Variants in ATP6AP1 observed in about 807,000 individuals in gnomAD.
The protein encoded by ATP6AP1 is ATPase H+ transporting accessory protein 1.
A neutral mutation model predicts 32.0 loss-of-function variants in ATP6AP1; 1 was observed. The ratio of observed to expected loss-of-function variants is 0.03; its 90% CI spans 0.01 to 0.15. The LOEUF is 0.15. ATP6AP1 is among the 10% of genes least tolerant of loss of function. The probability of loss-of-function intolerance (pLI) is 1.00; values close to 1 mark genes in which losing one functional copy is unlikely to be tolerated. For synonymous variants in ATP6AP1, 187 were observed against 174.9 expected, an observed-to-expected ratio of 1.07 and a Z score of -0.55; for missense variants, 297 against 398.8, an observed-to-expected ratio of 0.74 and a Z score of 2.17.
At position 154,435,425 on chromosome X, in the gene ATP6AP1, A is replaced by T; in HGVS notation, c.1123A>T (p.Ser375Cys). Residue 375 changes from serine (S) to cysteine (C), a missense_variant, in exon 9 of 10, where the codon AGC (serine) becomes TGC (cysteine). By Grantham distance (112) the Ser-to-Cys change is moderately radical. This residue lies in a region of ATP6AP1 where 155 missense variants were observed against 253.8 expected (regional missense o/e 0.61). Transcript: ENST00000369762. ...CTACTCCTTCCACTGCGAGTATGTC[A>T]GCAGCCTGAGCAAGAAGGGTAGTCT... ...SIYSFHCEYV[S>C]SLSKKGSLLV... The T allele has an allele frequency of 8.2e-7, 1 of 1,212,167 alleles. No individual in the cohort carries two copies.
At chrX:154,429,016 C>A in intron 1 of ATP6AP1, 32 bp from the exon 2 acceptor site, 1 of 1,204,466 alleles carries the variant, frequency 8.3e-7, no homozygotes, top group Non-Finnish European at 1.1e-6. Flanking sequence ...CATGCGCCCC[C>A]GTCTGACAGC....
intron 3 of ATP6AP1, 138 bp from the exon 4 acceptor site, chrX:154,432,128 G>A (rs1359073975): frequency 2.2e-5 from 15 of 690,001 alleles, no homozygotes; most frequent in South Asian, 1.7e-4. Context: ...AATGTCAGGG[G>A]CTGGGGTGTG....
intron 7 of ATP6AP1, among the ~76,000 whole-genome samples, 167 bp downstream of exon 7, chrX:154,434,613 T>TG (rs1224351080): frequency 9.0e-6 from 1 of 111,450 alleles, no homozygotes; most frequent in Non-Finnish European, 1.9e-5. Flanking sequence ...TGTCATGGCA[T>TG]GGGGTGCTGT....
chrX:154,434,353 C>A lies in ATP6AP1; in HGVS notation c.830C>A (p.Ala277Glu), dbSNP rs868950779. ...TTCTGGGCCCAAAACTTCTCTGTGG[C>A]GTACAAGGACCAGTGGGAGGACCTG... ...ILFWAQNFSV[A>E]YKDQWEDLTP... Residue 277 changes from alanine to glutamate, a missense_variant, in exon 7 of 10, where the codon GCG becomes GAG. By Grantham distance (107) the Ala-to-Glu change is moderately radical (BLOSUM62 -1). Around this residue, in one of 2 missense-constraint regions of ATP6AP1, gnomAD observed 155 missense variants for 253.8 expected, o/e 0.61. Coordinates refer to ENST00000369762, the MANE Select transcript of ATP6AP1 (RefSeq NM_001183.6). 8.3e-6 allele frequency: 10 copies of A among 1,211,916 alleles called. No homozygotes were observed. The highest frequency in any genetic ancestry group is 1.1e-5 in the Non-Finnish European group (10 of 895,470).
rs981804783 is a variant in ATP6AP1, at chrX:154,432,831, G to A, written c.558-100G>A. 14 of 986,541 alleles carry A rather than the reference G, an allele frequency of 1.4e-5. No individual in the cohort carries two copies. The African/African-American group carries it at 1.5e-4, about 11-fold the overall frequency. 81.3% of individuals were successfully genotyped at this position (986,541 alleles called of 1,213,427 possible). ...AGGTAAGAGTGTGCAGGCTTGGTGCGTGGGGCTAGTGGGGAGGAGAAGCTG... is the reference window on the plus strand; with the variant it reads ...AGGTAAGAGTGTGCAGGCTTGGTGCATGGGGCTAGTGGGGAGGAGAAGCTG... On this transcript the variant is annotated intron_variant, in intron 4 of 9. Coordinates refer to ENST00000369762, the MANE Select transcript of ATP6AP1 (RefSeq NM_001183.6).
chrX:154,431,699 C>A, intron 2 of ATP6AP1, 131 bp from the exon 3 acceptor site: 1 of 585,865 alleles, frequency 1.7e-6, no homozygotes, highest in Non-Finnish European at 2.9e-6. Context: ...CAGTTGTGCT[C>A]CACCATACTG....
In ATP6AP1 at chrX:154,429,040, C is replaced by T. The variant is rs371803542; in HGVS notation, c.162-8C>T. The T allele has an allele frequency of 8.3e-7, 1 of 1,209,402 alleles. No individual in the cohort carries two copies. Among genetic ancestry groups the T allele is most frequent in the African/African-American group, 1.7e-5 (1 of 57,299 alleles). ...CCGTCTGACAGCACCTCTTCTGTGC[C>T]CTGCCAGGGACTTGTGGGCTCCTGC... On this transcript the variant is annotated splice_polypyrimidine_tract_variant and splice_region_variant and intron_variant, in intron 1 of 9. Coordinates refer to ENST00000369762, the MANE Select transcript of ATP6AP1 (RefSeq NM_001183.6).
rs1603384549 is a variant in ATP6AP1 at position 154,435,443 on chromosome X, G to A, written c.1141G>A (p.Gly381Ser). 1 of 1,210,852 alleles carries A rather than the reference G, an allele frequency of 8.3e-7. No individual in the cohort carries two copies. The highest frequency in any genetic ancestry group is 1.1e-6 in the Non-Finnish European group (1 of 895,412). ...GTATGTCAGCAGCCTGAGCAAGAAG[G>A]GTAGTCTCCTCGTGGCCCGCACGCA... is the stretch of plus-strand genomic sequence containing the variant. ...CEYVSSLSKK[G>S]SLLVARTQPS... The change falls in exon 9 of 10, where the codon GGT becomes AGT. Residue 381 changes from glycine to serine, a missense_variant. By Grantham distance (56) the Gly-to-Ser change is moderately conservative. Coordinates refer to ENST00000369762, the MANE Select transcript of ATP6AP1 (RefSeq NM_001183.6).
Position 154,433,668 on chromosome X carries a change from A to C in ATP6AP1, c.632A>C (p.Lys211Thr). The C allele has an allele frequency of 1.7e-6, 2 of 1,212,100 alleles. No homozygotes were observed. Among genetic ancestry groups the C allele is most frequent in the Non-Finnish European group, 2.2e-6 (2 of 895,534 alleles). ...ATCGGGCAGGTCCTGAGCACACTCA[A>C]GTCCGAAGATGTCCCATACACAGCG... ...EVIGQVLSTL[K>T]SEDVPYTAAL... Residue 211 changes from lysine (K) to threonine (T), a missense_variant, in exon 6 of 10, where the codon AAG becomes ACG. By Grantham distance (78) the Lys-to-Thr change is moderately conservative (BLOSUM62 -1). Transcript: ENST00000369762.
In ATP6AP1 at chrX:154,432,935, G is replaced by A. The variant is rs1557197077; in HGVS notation, c.562G>A (p.Gly188Ser). The change falls in exon 5 of 10, where the codon GGT becomes AGT. Residue 188 changes from glycine to serine, a missense_variant. Coordinates refer to ENST00000369762, the MANE Select transcript of ATP6AP1 (RefSeq NM_001183.6). ...CGCTCTGTTTGTCTTCCATAGCTCT[G>A]GTCTGATGGCACCCAGGGAAGTCCT... is the stretch of plus-strand genomic sequence containing the variant. Reference protein sequence around the residue: ...LIRLPYTASSGLMAPREVLTG... With the variant: ...LIRLPYTASSSLMAPREVLTG... 5 of 1,211,777 alleles carry A rather than the reference G, an allele frequency of 4.1e-6. No individual in the cohort carries two copies. In the East Asian group the frequency reaches 1.2e-4, roughly 29 times the overall value.
At position 154,429,212 on chromosome X, in the gene ATP6AP1, G is replaced by A. The variant is rs781996401; in HGVS notation, c.288+38G>A. The A allele has an allele frequency of 2.5e-6, 3 of 1,202,537 alleles. No individual in the cohort carries two copies. In the African/African-American group the frequency reaches 5.2e-5, roughly 21 times the overall value. On this transcript the variant is annotated intron_variant, in intron 2 of 9. Transcript: ENST00000369762. The stretch of plus-strand genomic sequence containing the variant: ...CAGCCCACTCTCCCCCGGTCATCGG[G>A]AGGCAGCCAGGCCCCCTCCCCCCAT...
Position 154,435,097 on chromosome X carries a change from C to T in ATP6AP1, c.924-42C>T, listed in dbSNP as rs782344183. On this transcript the variant is annotated intron_variant, in intron 7 of 9. Transcript: ENST00000369762. ...TTGTTCCTCTAAGATGCCAAAGGCC[C>T]TCCCAGAGCCTCACAGTGCGCCTCT... 1,140 of 1,188,916 alleles carry T rather than the reference C, an allele frequency of 9.6e-4. 10 individuals carry two copies. The South Asian group carries it at 0.018, about 19-fold the overall frequency.
Position 154,433,656 on chromosome X carries a change from T to A in ATP6AP1, c.620T>A (p.Leu207Gln), listed in dbSNP as rs782728896. 8.2e-7 allele frequency: 1 copy of A among 1,212,217 alleles called. No homozygotes were observed. Among genetic ancestry groups the A allele is most frequent in the Non-Finnish European group, 1.1e-6 (1 of 895,530 alleles). ...TCAGATGAGGTCATCGGGCAGGTCC[T>A]GAGCACACTCAAGTCCGAAGATGTC... ...TGNDEVIGQV[L>Q]STLKSEDVPY... is the part of the protein sequence containing the mutation. Residue 207 changes from leucine to glutamine, a missense_variant, in exon 6 of 10, where the codon CTG becomes CAG. Physicochemically the swap from Leu to Gln is moderately radical, Grantham distance 113. Coordinates refer to ENST00000369762, the MANE Select transcript of ATP6AP1 (RefSeq NM_001183.6).
Position 154,435,919 on chromosome X carries a change from G to C in ATP6AP1, c.*28G>C, listed in dbSNP as rs1476657787. On this transcript the variant is annotated 3_prime_UTR_variant, in exon 10 of 10. Transcript: ENST00000369762. ...CTGTGCCAGTGGGGGGGTTGAGGGT[G>C]GGACGGTGTCCGTGTTGTTGCTTTC... The C allele has an allele frequency of 8.5e-7, 1 of 1,177,856 alleles. No individual in the cohort carries two copies. Among genetic ancestry groups the C allele is most frequent in the South Asian group, 1.8e-5 (1 of 56,047 alleles).
In ATP6AP1 at chrX:154,432,274, G is replaced by C; in HGVS notation, c.372G>C (p.Leu124=). The change falls in exon 4 of 10, where the codon CTG becomes CTC. Residue 124 remains leucine (L), a synonymous_variant. Transcript: ENST00000369762. ...CTCTCCCCTGTCCCCAGAATGCCCT[G>C]GACCTGGCCCCCTCCTCACTGGTGC... ...DSAFSNLENA[L]DLAPSSLVLP... 1 of 1,204,082 alleles carries C rather than the reference G, an allele frequency of 8.3e-7. No homozygotes were observed.
intron 5 of ATP6AP1, among the ~76,000 whole-genome samples, chrX:154,433,172 C>G (rs2068702902): frequency 8.9e-6 from 1 of 111,871 alleles, no homozygotes; most frequent in African/African-American, 3.2e-5. Flanking sequence ...CCAGCCAGAC[C>G]CCACTTGGCA....
chrX:154,434,743 C>G lies in ATP6AP1; in HGVS notation c.923+297C>G, dbSNP rs781915032. Among the ~76,000 whole-genome samples the G allele has an allele frequency of 8.9e-5, 10 of 112,110 alleles. No homozygotes were observed. The South Asian group carries it at 3.7e-3, about 41-fold the overall frequency. On this transcript the variant is annotated intron_variant, in intron 7 of 9. Coordinates refer to ENST00000369762, the MANE Select transcript of ATP6AP1 (RefSeq NM_001183.6). ...GTCACCTCCCCCTTGAGCAAAACCTCTGGGACTTTGTGTGGGCAAATACCA... is the reference window on the plus strand; with the variant it reads ...GTCACCTCCCCCTTGAGCAAAACCTGTGGGACTTTGTGTGGGCAAATACCA...
chrX:154,434,172 G>A, intron 6 of ATP6AP1, 36 bp from the exon 7 acceptor site: 2 of 1,183,356 alleles, frequency 1.7e-6, no homozygotes, highest in Non-Finnish European at 2.3e-6. Flanking sequence ...ACTCTCCCAG[G>A]GCTGCTGAAA....
chrX:154,428,869 T>G lies in ATP6AP1; in HGVS notation c.161+16T>G. 1 of 1,083,170 alleles carries G rather than the reference T, an allele frequency of 9.2e-7. No homozygotes were observed. Among genetic ancestry groups the G allele is most frequent in the Non-Finnish European group, 1.2e-6 (1 of 841,817 alleles). The allele number at this position is 1,083,170 out of a possible 1,213,427, so 89.3% of individuals were successfully genotyped here. Reference sequence around the variant, plus strand: ...CGAGTGACCGGTGAGCGGGCCGGGGTGGGATGCGCTGTGGCGGCTGAGGCG... The same window carrying G: ...CGAGTGACCGGTGAGCGGGCCGGGGGGGGATGCGCTGTGGCGGCTGAGGCG... On this transcript the variant is annotated intron_variant, in intron 1 of 9. Transcript: ENST00000369762.
Sources: allele counts gnomAD v4.1 joint callset (sites outside exome capture counted in the v4.1 genomes callset), GRCh38; gene constraint gnomAD v4.1.1; regional missense constraint gnomAD v4.1.1; transcripts MANE v1.5; gene names NCBI Gene and HGNC (gene_info 2026-07-23, HGNC 2026-07-21).